The following C4orf33 variants were observed in gnomAD, a reference collection of about 807,000 sequenced individuals.
C4orf33 encodes the protein UPF0462 protein C4orf33.
In C4orf33, 20 loss-of-function variants were observed where a neutral mutation model predicts 24.3. The observed-to-expected ratio is 0.82, with a 90% CI of 0.58 to 1.19. The LOEUF (loss-of-function observed/expected upper bound fraction) is 1.19. Ranked by LOEUF, C4orf33 falls within the 50% of genes most tolerant of loss-of-function variation. C4orf33 has a pLI of 0.00. For missense variants in C4orf33, 207 were observed against 225.9 expected (o/e 0.92, Z 0.54); for synonymous variants, 67 against 76.4 (o/e 0.88, Z 0.64).
intron 1 of C4orf33, among the ~76,000 whole-genome samples, chr4:129,096,522 A>G (rs1057302567): frequency 3.3e-5 from 5 of 152,178 alleles, no homozygotes; most frequent in African/African-American, 9.7e-5. Context: ...CACCTTTACC[A>G]TAACTTATTT....
rs1753711960 is a variant in C4orf33, at chr4:129,112,442, A to C, written c.*651A>C. On this transcript the variant is annotated 3_prime_UTR_variant, in exon 6 of 6. Coordinates refer to ENST00000425929, the MANE Select transcript of C4orf33 (RefSeq NM_001099783.2). ...ACTAATATTTGATGATAGATACCAG[A>C]ACAGTGGCTGCTTAGAGTGAGGGCA... The C allele has an allele frequency of 6.6e-6, 1 of 152,214 alleles. No individual in the cohort carries two copies. The allele number at this position is 152,214 out of a possible 1,614,324, so 9.4% of individuals were successfully genotyped here.
intron 3 of C4orf33, 110 bp from the exon 4 acceptor site, chr4:129,109,197 T>G: frequency 8.5e-7 from 1 of 1,169,744 alleles, no homozygotes; most frequent in Non-Finnish European, 1.3e-6. Flanking sequence ...CTGCATCTTT[T>G]AATTATTTGG....
At chr4:129,111,629 C>A in intron 5 of C4orf33, 57 bp from the exon 6 acceptor site, 1 of 1,024,150 alleles carries the variant, frequency 9.8e-7, no homozygotes, top group Non-Finnish European at 1.5e-6. Context: ...TTCAGGACAA[C>A]TATTTCACAA....
At chr4:129,102,975 ATATAAC>A in intron 2 of C4orf33, 184 bp downstream of exon 2, 4 of 466,040 alleles carry the variant, frequency 8.6e-6, no homozygotes, top group Non-Finnish European at 1.1e-5. Context: ...GACTTTAACT[ATATAAC>A]AAAAACAGTT....
rs190547087 is a variant in C4orf33, at chr4:129,098,282, A to G, written c.-10+2073A>G. Among the ~76,000 whole-genome samples the G allele has an allele frequency of 5.0e-3, 757 of 152,270 alleles. 6 individuals carry two copies. Among genetic ancestry groups the G allele is most frequent in the African/African-American group, 0.017 (714 of 41,554 alleles). On this transcript the variant is annotated intron_variant, in intron 1 of 5. Coordinates refer to ENST00000425929, the MANE Select transcript of C4orf33 (RefSeq NM_001099783.2). The stretch of plus-strand genomic sequence containing the variant: ...TGATCCTATCACCTGGGTAGTGAGC[A>G]TAGTACCCAGTAGTTAGTTTTTCAA...
chr4:129,115,654 C>G lies in C4orf33; in HGVS notation c.*3863C>G, dbSNP rs1428907553. ...GATTGGCTTGCTTTATTTAATTTTT[C>G]CAAAGTTCCCAATCCCATTCCTTAG... On this transcript the variant is annotated 3_prime_UTR_variant, in exon 6 of 6. Coordinates refer to ENST00000425929, the MANE Select transcript of C4orf33 (RefSeq NM_001099783.2). The G allele has an allele frequency of 6.6e-6, 1 of 151,744 alleles. No homozygotes were observed. The highest frequency in any genetic ancestry group is 1.5e-5 in the Non-Finnish European group (1 of 67,960). The allele number at this position is 151,744 out of a possible 1,614,324, so 9.4% of individuals were successfully genotyped here.
chr4:129,097,945 T>G (rs1420191964), intron 1 of C4orf33, among the ~76,000 whole-genome samples: 1 of 152,250 alleles, frequency 6.6e-6, no homozygotes, highest in Non-Finnish European at 1.5e-5. Context: ...CTCCGTGAAC[T>G]GGCTGTTCAT....
Position 129,109,541 on chromosome 4 carries a change from T to A in C4orf33, c.363T>A (p.Pro121=), listed in dbSNP as rs2271571. Reference sequence around the variant, plus strand: ...AATGGGAAGGCAAAGCTTATCTCCCTTGGAGTTATTTTCCACCAAATGTGA... The same window carrying A: ...AATGGGAAGGCAAAGCTTATCTCCCATGGAGTTATTTTCCACCAAATGTGA... The part of the protein sequence containing the change: ...ETKWEGKAYL[P]WSYFPPNVTK... The change falls in exon 5 of 6, where the codon CCT becomes CCA. Residue 121 remains proline (P), a synonymous_variant. Transcript: ENST00000425929. 4.1e-5 allele frequency: 66 copies of A among 1,613,986 alleles called. No homozygotes were observed. In the East Asian group the frequency reaches 1.4e-3, roughly 35 times the overall value.
At chr4:129,109,249 G>A (rs1580015973) in intron 3 of C4orf33, 58 bp from the exon 4 acceptor site, 10 of 1,458,376 alleles carry the variant, frequency 6.9e-6, no homozygotes, top group Non-Finnish European at 9.6e-6. Context: ...ATAAAGGATA[G>A]TGAAGAAAAT....
chr4:129,101,044 T>G (rs955718685), intron 1 of C4orf33, among the ~76,000 whole-genome samples: 14 of 152,308 alleles, frequency 9.2e-5, no homozygotes, highest in African/African-American at 3.1e-4. Context: ...ATTGAGCTTC[T>G]ATCAATAATG....
chr4:129,109,863 C>A, intron 5 of C4orf33, 191 bp downstream of exon 5: 1 of 981,352 alleles, frequency 1.0e-6, no homozygotes, highest in Non-Finnish European at 1.4e-6. Context: ...ATCTCTCTCA[C>A]TACTGTCAGT....
In C4orf33 at chr4:129,115,974, A is replaced by C. The variant is rs1041265963; in HGVS notation, c.*4183A>C. On this transcript the variant is annotated 3_prime_UTR_variant, in exon 6 of 6. Transcript: ENST00000425929. ...AATTTCTTATCTTAATTTGCTCTGA[A>C]AGAGCAAAACTTATAAAATTGACTA... The C allele has an allele frequency of 2.0e-5, 3 of 151,050 alleles. No individual in the cohort carries two copies. Among genetic ancestry groups the C allele is most frequent in the Admixed American group, 2.0e-4 (3 of 15,142 alleles). 9.4% of individuals were successfully genotyped at this position (151,050 alleles called of 1,614,324 possible). A position where few individuals can be genotyped will look rare whatever the true frequency, so the allele number is the denominator to read the frequency against.
chr4:129,103,254 C>T (rs886797464), intron 2 of C4orf33, among the ~76,000 whole-genome samples: 3 of 151,856 alleles, frequency 2.0e-5, no homozygotes, highest in Non-Finnish European at 4.4e-5. Context: ...CTCCTGACCA[C>T]GTGATCTGCC....
rs1753739953 is a variant in C4orf33, at chr4:129,114,173, C to G, written c.*2382C>G. The G allele has an allele frequency of 1.3e-5, 2 of 152,250 alleles. No homozygotes were observed. The highest frequency in any genetic ancestry group is 2.9e-5 in the Non-Finnish European group (2 of 68,110). The allele number at this position is 152,250 out of a possible 1,614,324, so 9.4% of individuals were successfully genotyped here. ...TGCCCCTAGGGCTTCTCTGCTTCCT[C>G]TGCTGTGTGGAACACTTGCAGGAAC... is the stretch of plus-strand genomic sequence containing the variant. On this transcript the variant is annotated 3_prime_UTR_variant, in exon 6 of 6. Transcript: ENST00000425929.
chr4:129,094,808 AG>A (rs975583380), upstream of C4orf33, among the ~76,000 whole-genome samples: 1 of 152,222 alleles, frequency 6.6e-6, no homozygotes, highest in Non-Finnish European at 1.5e-5. Flanking sequence ...TGAGTGTGCA[AG>A]GTCCAACTCG....
At chr4:129,103,329 A>AT (rs1257722937) in intron 2 of C4orf33, among the ~76,000 whole-genome samples, 1 of 152,022 alleles carries the variant, frequency 6.6e-6, no homozygotes, top group African/African-American at 2.4e-5. Context: ...ACAAATCCAG[A>AT]TTTTTTTATT....
intron 5 of C4orf33, chr4:129,109,993 C>T: frequency 1.8e-6 from 2 of 1,116,876 alleles, no homozygotes; most frequent in South Asian, 5.0e-5. Context: ...TCTTTCAGAG[C>T]TAAAGGGCCA....
chr4:129,098,599 C>T (rs2125798568), intron 1 of C4orf33, among the ~76,000 whole-genome samples: 2 of 152,298 alleles, frequency 1.3e-5, no homozygotes, highest in East Asian at 1.9e-4. Flanking sequence ...GAGTTCTTGG[C>T]TTCATGCAGG....
At chr4:129,106,237 A>T (rs1435365307) in intron 2 of C4orf33, among the ~76,000 whole-genome samples, 1 of 152,110 alleles carries the variant, frequency 6.6e-6, no homozygotes, top group Non-Finnish European at 1.5e-5. Context: ...ATGGCATTAT[A>T]CTTAATTCTT....
Sources: gnomAD v4.1 joint callset for allele counts (sites outside exome capture counted in the v4.1 genomes callset) on GRCh38, gnomAD v4.1.1 for gene constraint, MANE v1.5 for transcripts, NCBI Gene and HGNC (gene_info 2026-07-23, HGNC 2026-07-21) for gene names.